PCMTD1: variants seen among roughly 807,000 people sequenced by gnomAD.
PCMTD1 encodes protein-L-isoaspartate (D-aspartate) O-methyltransferase domain containing 1.
PCMTD1 carries 12 observed loss-of-function variants against 37.6 expected under a neutral mutation model. The ratio of observed to expected loss-of-function variants is 0.32; its 90% CI spans 0.20 to 0.52. The LOEUF is 0.52. Ranked by LOEUF, PCMTD1 falls within the 20% of genes least tolerant of loss-of-function variation. The pLI, the probability that PCMTD1 is intolerant of heterozygous loss-of-function variation, is 0.97. For synonymous variants in PCMTD1, 117 were observed against 135.8 expected, an observed-to-expected ratio of 0.86 and a Z score of 0.96; for missense variants, 235 against 421.3, an observed-to-expected ratio of 0.56 and a Z score of 3.87.
At chr8:51,822,530 A>G (rs953470520) in intron 5 of PCMTD1, among the ~76,000 whole-genome samples, 13 of 152,228 alleles carry the variant, frequency 8.5e-5, no homozygotes, top group Non-Finnish European at 1.0e-4. Context: ...TCATTTATCC[A>G]AAGTGGAGAT....
chr8:51,889,409 T>A (rs1484653452), intron 1 of PCMTD1, among the ~76,000 whole-genome samples: 1 of 152,220 alleles, frequency 6.6e-6, no homozygotes. Flanking sequence ...GCATTATTTT[T>A]AGGGATGGGA....
chr8:51,886,327 A>ACG (rs1341030936), intron 1 of PCMTD1, among the ~76,000 whole-genome samples: 5 of 152,156 alleles, frequency 3.3e-5, no homozygotes. Flanking sequence ...AATATTTAAA[A>ACG]CTATAGCCCC....
intron 2 of PCMTD1, among the ~76,000 whole-genome samples, chr8:51,857,772 C>T (rs1223794851): frequency 2.6e-5 from 4 of 152,134 alleles, no homozygotes; most frequent in Non-Finnish European, 5.9e-5. Flanking sequence ...CCACTTTCTT[C>T]GATAAAAGTA....
At chr8:51,889,815 AAT>A (rs1312215644) in intron 1 of PCMTD1, among the ~76,000 whole-genome samples, 1 of 151,950 alleles carries the variant, frequency 6.6e-6, no homozygotes, top group Non-Finnish European at 1.5e-5. Flanking sequence ...ATTCTATGTT[AAT>A]AGTGTCTCCT....
chr8:51,877,594 T>C (rs945848139), intron 1 of PCMTD1, among the ~76,000 whole-genome samples: 5 of 152,230 alleles, frequency 3.3e-5, no homozygotes, highest in Non-Finnish European at 5.9e-5. Flanking sequence ...GAGAAGTTAC[T>C]ATTTATTCCT....
chr8:51,818,024 A>G lies in PCMTD1; in HGVS notation c.*2327T>C, dbSNP rs1042198564. 2.3e-5 allele frequency: 10 copies of G among 443,548 alleles called. No homozygotes were observed. The East Asian group carries it at 6.5e-4, about 29-fold the overall frequency. The allele number at this position is 443,548 out of a possible 1,614,324, so 27.5% of individuals were successfully genotyped here. ...CCATCATTTTCACTTACTTTTACTTAATCTTTATTTGCTACTTTTCCACCT... is the reference window on the plus strand; with the variant it reads ...CCATCATTTTCACTTACTTTTACTTGATCTTTATTTGCTACTTTTCCACCT... On this transcript the variant is annotated 3_prime_UTR_variant, in exon 6 of 6. Transcript: ENST00000522514.
chr8:51,896,877 C>G (rs1469634270), intron 1 of PCMTD1, among the ~76,000 whole-genome samples: 1 of 96,972 alleles, frequency 1.0e-5, no homozygotes, highest in African/African-American at 2.8e-5. Context: ...TAAACACGCA[C>G]TATTACAAAA....
In PCMTD1 at chr8:51,899,032, C is replaced by T. The variant is rs1327836313; in HGVS notation, c.-198G>A. ...ACAATAACAACACGGACGCCACCGC[C>T]GAGTGGAGAGGCGGGGCCCGGACCC... On this transcript the variant is annotated 5_prime_UTR_variant, in exon 1 of 6. Coordinates refer to ENST00000522514, the MANE Select transcript of PCMTD1 (RefSeq NM_052937.4). The T allele has an allele frequency of 3.3e-6, 5 of 1,511,516 alleles. No homozygotes were observed. Among genetic ancestry groups the T allele is most frequent in the Non-Finnish European group, 3.5e-6 (4 of 1,136,904 alleles). The allele number at this position is 1,511,516 out of a possible 1,614,324, so 93.6% of individuals were successfully genotyped here.
At chr8:51,831,313 T>C (rs1277995436) in intron 5 of PCMTD1, 131 bp downstream of exon 5, 33 of 980,656 alleles carry the variant, frequency 3.4e-5, no homozygotes, top group Non-Finnish European at 3.8e-5. Flanking sequence ...AAAAAAAAAG[T>C]TGAATAAATC....
intron 2 of PCMTD1, among the ~76,000 whole-genome samples, chr8:51,853,720 TGCCTGA>T (rs771329241): frequency 7.2e-5 from 11 of 152,136 alleles, no homozygotes; most frequent in Non-Finnish European, 1.5e-4. Context: ...GTTAGTGACT[TGCCTGA>T]GCCACCCCAC....
intron 1 of PCMTD1, among the ~76,000 whole-genome samples, chr8:51,894,527 T>C (rs1275761419): frequency 1.3e-5 from 2 of 152,158 alleles, no homozygotes; most frequent in African/African-American, 4.8e-5. Flanking sequence ...TCTTCACCTG[T>C]AGAATGGGGA....
At chr8:51,848,277 A>T (rs1218346381) in intron 2 of PCMTD1, among the ~76,000 whole-genome samples, 1 of 151,812 alleles carries the variant, frequency 6.6e-6, no homozygotes, top group Non-Finnish European at 1.5e-5. Context: ...ACAGAGTGAG[A>T]CCGTGTCTTT....
chr8:51,864,216 T>C (rs1354461707), intron 1 of PCMTD1, among the ~76,000 whole-genome samples: 2 of 152,180 alleles, frequency 1.3e-5, no homozygotes, highest in East Asian at 3.8e-4. Context: ...ACAGAACAAT[T>C]TTAAATATAT....
In PCMTD1 at chr8:51,842,602, G is replaced by C. The variant is rs571563976; in HGVS notation, c.410+3059C>G. 3.3e-5 allele frequency among the ~76,000 whole-genome samples: 5 copies of C among 151,746 alleles called. No homozygotes were observed. In the East Asian group the frequency reaches 7.8e-4, roughly 24 times the overall value. ...GGCCTCCCAAAGTGCTATGATTATA[G>C]TGTCAGCCACCACACCCAGCCTATA... is the stretch of plus-strand genomic sequence containing the variant. On this transcript the variant is annotated intron_variant, in intron 3 of 5. Transcript: ENST00000522514.
intron 1 of PCMTD1, among the ~76,000 whole-genome samples, chr8:51,866,332 C>T (rs1324370030): frequency 6.6e-6 from 1 of 151,464 alleles, no homozygotes; most frequent in African/African-American, 2.4e-5. Context: ...ATCATACAGG[C>T]AAAAAGAAGA....
chr8:51,821,253 C>A (rs1203738186), intron 5 of PCMTD1, among the ~76,000 whole-genome samples: 2 of 152,140 alleles, frequency 1.3e-5, no homozygotes, highest in Non-Finnish European at 2.9e-5. Context: ...GATCCTCCTG[C>A]CTCAGCCTCC....
At chr8:51,887,002 C>T (rs2038873945) in intron 1 of PCMTD1, among the ~76,000 whole-genome samples, 8 of 151,072 alleles carry the variant, frequency 5.3e-5, no homozygotes, top group Admixed American at 5.3e-4. Context: ...TTTCTTTCTT[C>T]CATCTGCAAA....
intron 5 of PCMTD1, among the ~76,000 whole-genome samples, chr8:51,822,413 T>A (rs1185808029): frequency 1.3e-5 from 2 of 152,028 alleles, no homozygotes; most frequent in South Asian, 2.1e-4. Flanking sequence ...CCTGAGCAAC[T>A]GGGCAGATGC....
intron 1 of PCMTD1, among the ~76,000 whole-genome samples, chr8:51,885,855 G>C (rs1236768702): frequency 2.6e-5 from 4 of 152,094 alleles, no homozygotes; most frequent in Non-Finnish European, 4.4e-5. Flanking sequence ...AAGGTTATAT[G>C]TGTTTTGGAA....
Sources: allele counts gnomAD v4.1 joint callset (sites outside exome capture counted in the v4.1 genomes callset), GRCh38; gene constraint gnomAD v4.1.1; transcripts MANE v1.5; gene names NCBI Gene and HGNC (gene_info 2026-07-23, HGNC 2026-07-21).